Variants in TRIM8 observed in about 807,000 individuals in gnomAD.
TRIM8 encodes the protein E3 ubiquitin-protein ligase TRIM8.
In TRIM8, 9 loss-of-function variants were observed where a neutral mutation model predicts 55.7. The ratio of observed to expected loss-of-function variants is 0.16; its 90% CI spans 0.10 to 0.28. TRIM8 has a LOEUF of 0.28. Ranked by LOEUF, TRIM8 falls within the 10% of genes least tolerant of loss-of-function variation. The pLI, the probability that TRIM8 is intolerant of heterozygous loss-of-function variation, is 1.00. For synonymous variants in TRIM8, 335 were observed against 333.3 expected (o/e 1.01, Z -0.06); for missense variants, 556 against 736.4 (o/e 0.76, Z 2.83).
intron 1 of TRIM8, among the ~76,000 whole-genome samples, chr10:102,647,174 G>A (rs1184818012): frequency 2.6e-5 from 4 of 152,202 alleles, no homozygotes; most frequent in Non-Finnish European, 2.9e-5. Context: ...TTCCAGACTC[G>A]TGGATTGGAT....
intron 1 of TRIM8, among the ~76,000 whole-genome samples, chr10:102,648,074 C>T (rs1286834209): frequency 6.6e-6 from 1 of 152,164 alleles, no homozygotes; most frequent in South Asian, 2.1e-4. Flanking sequence ...TGGATGATCC[C>T]GAGACCATTG....
At chr10:102,652,377 G>T (rs1197587075) in intron 1 of TRIM8, among the ~76,000 whole-genome samples, 2 of 152,188 alleles carry the variant, frequency 1.3e-5, no homozygotes, top group Non-Finnish European at 2.9e-5. Flanking sequence ...TGGGAGTCAT[G>T]GGGTTGAACT....
intron 1 of TRIM8, among the ~76,000 whole-genome samples, chr10:102,651,366 G>C (rs1342949016): frequency 6.6e-6 from 1 of 152,194 alleles, no homozygotes; most frequent in African/African-American, 2.4e-5. Flanking sequence ...GGACAGGAAG[G>C]CCCTCCCTCT....
chr10:102,652,727 C>T (rs985781243), intron 1 of TRIM8, among the ~76,000 whole-genome samples: 5 of 151,896 alleles, frequency 3.3e-5, no homozygotes, highest in African/African-American at 1.2e-4. Flanking sequence ...CATTTTATAA[C>T]TTTAGTATCT....
At chr10:102,649,263 G>C (rs759888599) in intron 1 of TRIM8, 2 of 152,366 alleles carry the variant, frequency 1.3e-5, no homozygotes, top group Non-Finnish European at 2.9e-5. Context: ...GTGCTGCTGT[G>C]TGAGTGCCCG....
At chr10:102,650,548 C>G (rs1200853601) in intron 1 of TRIM8, among the ~76,000 whole-genome samples, 2 of 152,208 alleles carry the variant, frequency 1.3e-5, no homozygotes, top group African/African-American at 4.8e-5. Flanking sequence ...GCCTCCAGAG[C>G]TTCTAGCCCA....
intron 1 of TRIM8, among the ~76,000 whole-genome samples, chr10:102,648,792 C>T (rs913194310): frequency 5.3e-5 from 8 of 151,910 alleles, no homozygotes; most frequent in Admixed American, 4.6e-4. Flanking sequence ...TTTGTGTGCA[C>T]GCACGTGTGT....
In TRIM8 at chr10:102,656,877, G is replaced by C. The variant is rs760222220; in HGVS notation, c.1179G>C (p.Ser393=). The part of the protein sequence containing the change: ...FPEASFLETS[S]GPVGGQYGAA... ...AGGCCAGTTTCCTAGAGACGTCGTC[G>C]GGCCCTGTGGGCGGCCAGTACGGGG... Residue 393 remains serine, a synonymous_variant, in exon 6 of 6, where the codon TCG becomes TCC. Transcript: ENST00000643721. The surrounding 1 kb of genome is among the most constrained non-coding windows in gnomAD (Gnocchi z 4.6). The C allele has an allele frequency of 6.4e-7, 1 of 1,573,206 alleles. No individual in the cohort carries two copies. The highest frequency in any genetic ancestry group is 8.6e-7 in the Non-Finnish European group (1 of 1,161,062).
chr10:102,656,255 G>A lies in TRIM8; in HGVS notation c.933-15G>A, dbSNP rs764649126. The A allele has an allele frequency of 7.4e-6, 12 of 1,613,998 alleles. No homozygotes were observed. The highest frequency in any genetic ancestry group is 2.2e-5 in the South Asian group (2 of 91,088). ...GATGCCTCCTCACAGCAGATGCCCCGTCCACTGCCCCCAGGACCCAGACCT... is the reference window on the plus strand; with the variant it reads ...GATGCCTCCTCACAGCAGATGCCCCATCCACTGCCCCCAGGACCCAGACCT... On this transcript the variant is annotated splice_polypyrimidine_tract_variant and intron_variant, in intron 4 of 5. Coordinates refer to ENST00000643721, the MANE Select transcript of TRIM8 (RefSeq NM_030912.3). This position sits in a 1 kb window ranked among gnomAD's most constrained non-coding sequence, Gnocchi z 4.6.
chr10:102,656,248 A>C lies in TRIM8; in HGVS notation c.933-22A>C. Reference sequence around the variant, plus strand: ...CACCGGTGATGCCTCCTCACAGCAGATGCCCCGTCCACTGCCCCCAGGACC... The same window carrying C: ...CACCGGTGATGCCTCCTCACAGCAGCTGCCCCGTCCACTGCCCCCAGGACC... On this transcript the variant is annotated intron_variant, in intron 4 of 5. Transcript: ENST00000643721. This position sits in a 1 kb window ranked among gnomAD's most constrained non-coding sequence, Gnocchi z 4.6. 6.2e-7 allele frequency: 1 copy of C among 1,614,098 alleles called. No homozygotes were observed. Among genetic ancestry groups the C allele is most frequent in the South Asian group, 1.1e-5 (1 of 91,082 alleles).
chr10:102,657,378 G>A lies in TRIM8; in HGVS notation c.*24G>A, dbSNP rs558014342. ...AACGCCACGCAGGCGGCGGGGCGCT[G>A]GGGAATCTTCCTCCCCAGCCCCCGG... On this transcript the variant is annotated 3_prime_UTR_variant, in exon 6 of 6. Coordinates refer to ENST00000643721, the MANE Select transcript of TRIM8 (RefSeq NM_030912.3). The A allele has an allele frequency of 9.8e-6, 15 of 1,531,118 alleles. No individual in the cohort carries two copies. In the South Asian group the frequency reaches 1.9e-4, roughly 20 times the overall value. The allele number at this position is 1,531,118 out of a possible 1,614,324, so 94.8% of individuals were successfully genotyped here.
rs754122750 is a variant in TRIM8, at chr10:102,656,131, T to G, written c.926T>G (p.Met309Arg). ...AACACCAAGTCTGTGAAAATCCTGA[T>G]GGACAGGTAAGCTGAGGGCCCTAGC... The part of the protein sequence containing the change: ...MKNTKSVKIL[M>R]DRTQTCTSSS... The change falls in exon 4 of 6, where the codon ATG becomes AGG. Residue 309 changes from methionine (M) to arginine (R), a missense_variant. Transcript: ENST00000643721. This position sits in a 1 kb window ranked among gnomAD's most constrained non-coding sequence, Gnocchi z 4.6. 1 of 1,614,108 alleles carries G rather than the reference T, an allele frequency of 6.2e-7. No homozygotes were observed. Among genetic ancestry groups the G allele is most frequent in the Non-Finnish European group, 8.5e-7 (1 of 1,180,010 alleles).
chr10:102,655,018 G>A (rs537236117), intron 2 of TRIM8, 62 bp from the exon 3 acceptor site: 22 of 1,565,632 alleles, frequency 1.4e-5, no homozygotes, highest in Admixed American at 3.5e-5. Context: ...GGGTAAGAGG[G>A]GGGGAAACCA....
intron 1 of TRIM8, among the ~76,000 whole-genome samples, chr10:102,648,074 C>A (rs1286834209): frequency 6.6e-6 from 1 of 152,164 alleles, no homozygotes; most frequent in Non-Finnish European, 1.5e-5. Flanking sequence ...TGGATGATCC[C>A]GAGACCATTG....
At chr10:102,650,196 T>A (rs993406651) in intron 1 of TRIM8, among the ~76,000 whole-genome samples, 1 of 151,892 alleles carries the variant, frequency 6.6e-6, no homozygotes, top group African/African-American at 2.4e-5. Context: ...CAGCCCAGAG[T>A]CCCCAAGCCT....
intron 3 of TRIM8, 89 bp downstream of exon 3, chr10:102,655,402 C>CCCT: frequency 1.6e-6 from 2 of 1,251,314 alleles, no homozygotes; most frequent in South Asian, 2.6e-5. Flanking sequence ...AGCTCACATG[C>CCCT]CCTTACCTTT....
intron 1 of TRIM8, 33 bp downstream of exon 1, chr10:102,645,220 C>G (rs999349027): frequency 6.7e-7 from 1 of 1,487,686 alleles, no homozygotes; most frequent in African/African-American, 1.4e-5. Flanking sequence ...CGCACACACA[C>G]ACACACAGAC....
At chr10:102,650,980 G>T (rs893499182) in intron 1 of TRIM8, among the ~76,000 whole-genome samples, 3 of 152,150 alleles carry the variant, frequency 2.0e-5, no homozygotes, top group Admixed American at 2.0e-4. Flanking sequence ...GGCTTGAAGC[G>T]GCAGCAGCTC....
intron 1 of TRIM8, among the ~76,000 whole-genome samples, chr10:102,649,517 C>T (rs1024212755): frequency 6.6e-6 from 1 of 152,220 alleles, no homozygotes; most frequent in Non-Finnish European, 1.5e-5. Flanking sequence ...TGGCCTCCTC[C>T]CTGGCTCTGG....
Sources: allele counts gnomAD v4.1 joint callset (sites outside exome capture counted in the v4.1 genomes callset), GRCh38; gene constraint gnomAD v4.1.1; non-coding constraint Gnocchi (gnomAD v3.1); transcripts MANE v1.5; gene names NCBI Gene and HGNC (gene_info 2026-07-23, HGNC 2026-07-21).